The following GAB2 variants were observed in gnomAD, a reference collection of about 807,000 sequenced individuals.
The protein encoded by GAB2 is GRB2 associated binding protein 2.
A neutral mutation model predicts 65.5 loss-of-function variants in GAB2; 26 were observed. The ratio of observed to expected loss-of-function variants is 0.40; its 90% confidence interval spans 0.29 to 0.55. The LOEUF is 0.55. Ranked by LOEUF, GAB2 falls within the 20% of genes least tolerant of loss-of-function variation. The probability of loss-of-function intolerance (pLI) is 0.53; values close to 1 mark genes in which losing one functional copy is unlikely to be tolerated. For missense variants in GAB2, 884 were observed against 875.8 expected (o/e 1.01, Z -0.12); for synonymous variants, 321 against 329.6 (o/e 0.97, Z 0.28).
intron 1 of GAB2, among the ~76,000 whole-genome samples, chr11:78,299,462 A>G (rs192455706): frequency 7.9e-4 from 120 of 152,346 alleles, no homozygotes; most frequent in Non-Finnish European, 1.4e-3. Context: ...ACACATGAAC[A>G]TGCGCACAAA....
chr11:78,321,485 C>T (rs1323566615), intron 1 of GAB2, among the ~76,000 whole-genome samples: 1 of 152,142 alleles, frequency 6.6e-6, no homozygotes, highest in African/African-American at 2.4e-5. Context: ...TACTCCTAGC[C>T]CACAGCAGCG....
At chr11:78,236,259 A>T (rs1369925925) in intron 3 of GAB2, among the ~76,000 whole-genome samples, 5 of 152,228 alleles carry the variant, frequency 3.3e-5, no homozygotes, top group African/African-American at 1.2e-4. Flanking sequence ...CATACTGTAA[A>T]ACTTATTTTT....
intron 1 of GAB2, among the ~76,000 whole-genome samples, chr11:78,294,590 T>A (rs1448557152): frequency 6.6e-6 from 1 of 152,276 alleles, no homozygotes; most frequent in East Asian, 1.9e-4. Context: ...GTTTCCTGAT[T>A]TTTTAATGAT....
intron 3 of GAB2, among the ~76,000 whole-genome samples, chr11:78,236,581 G>A (rs1864987629): frequency 6.6e-6 from 1 of 152,122 alleles, no homozygotes; most frequent in Non-Finnish European, 1.5e-5. Context: ...TCTCCATTAG[G>A]TATGATCTTA....
At chr11:78,251,897 T>G (rs1207343122) in intron 2 of GAB2, among the ~76,000 whole-genome samples, 4 of 152,238 alleles carry the variant, frequency 2.6e-5, no homozygotes, top group African/African-American at 9.6e-5. Context: ...GCAAGGTACA[T>G]AGCAGATTCT....
chr11:78,353,307 G>C (rs1856308965), intron 1 of GAB2, among the ~76,000 whole-genome samples: 1 of 152,158 alleles, frequency 6.6e-6, no homozygotes, highest in African/African-American at 2.4e-5. Flanking sequence ...TGGGCATGGT[G>C]GTGTGTACCT....
intron 1 of GAB2, among the ~76,000 whole-genome samples, chr11:78,367,821 C>CTTTTTTTTT (rs569887849): frequency 7.8e-5 from 9 of 116,120 alleles, no homozygotes; most frequent in African/African-American, 2.3e-4. Context: ...TTTTCTTTTT[C>CTTTTTTTTT]TTTTTTTTTT....
intron 1 of GAB2, among the ~76,000 whole-genome samples, chr11:78,407,793 AAAG>A (rs1412576281): frequency 1.3e-5 from 2 of 151,918 alleles, no homozygotes; most frequent in Non-Finnish European, 2.9e-5. Flanking sequence ...AAAGAAAAGA[AAAG>A]AAAGAAAAAG....
intron 9 of GAB2, among the ~76,000 whole-genome samples, chr11:78,220,063 G>A (rs530096999): frequency 5.9e-5 from 9 of 152,262 alleles, no homozygotes; most frequent in African/African-American, 1.9e-4. Context: ...GCACTCATTT[G>A]CCCATCTCTA....
chr11:78,374,729 GCA>G (rs542838785), intron 1 of GAB2, among the ~76,000 whole-genome samples: 175 of 152,176 alleles, frequency 1.1e-3, no homozygotes, highest in African/African-American at 4.0e-3. Flanking sequence ...TAATATAATG[GCA>G]CACAGTTTTA....
chr11:78,401,505 C>CCTGTGTGTGTGTGT lies in GAB2; in HGVS notation c.75+16140_75+16141insACACACACACACAG, dbSNP rs1555000328. On this transcript the variant is annotated intron_variant, in intron 1 of 9. Coordinates refer to ENST00000361507, the MANE Select transcript of GAB2 (RefSeq NM_080491.3). ...TTCCCTTTTAAGGCTGAACAGTATT[C>CCTGTGTGTGTGTGT]GTGTGTGTGTGTGTGTGTGTGTGTG... is the stretch of plus-strand genomic sequence containing the variant. Among the ~76,000 whole-genome samples, 266 of 125,004 alleles carry CCTGTGTGTGTGTGT rather than the reference C, an allele frequency of 2.1e-3. 12 individuals carry two copies. Among genetic ancestry groups the CCTGTGTGTGTGTGT allele is most frequent in the African/African-American group, 7.4e-3 (252 of 33,840 alleles). 82.0% of individuals were successfully genotyped at this position (125,004 alleles called of 152,430 possible).
chr11:78,275,531 A>C (rs928152380), intron 2 of GAB2, among the ~76,000 whole-genome samples: 6 of 152,212 alleles, frequency 3.9e-5, no homozygotes, highest in Non-Finnish European at 8.8e-5. Context: ...AAATTAAAAC[A>C]TAACCCATCA....
intron 1 of GAB2, among the ~76,000 whole-genome samples, chr11:78,292,705 G>A (rs1352548297): frequency 6.6e-6 from 1 of 152,200 alleles, no homozygotes; most frequent in Non-Finnish European, 1.5e-5. Context: ...CACACTTCCT[G>A]AGCGAGGAAA....
intron 1 of GAB2, among the ~76,000 whole-genome samples, chr11:78,390,086 A>G (rs1041443402): frequency 6.6e-6 from 1 of 152,240 alleles, no homozygotes; most frequent in Non-Finnish European, 1.5e-5. Context: ...AACAAAAGAA[A>G]ATAGTACTCA....
intron 1 of GAB2, among the ~76,000 whole-genome samples, chr11:78,281,963 C>A (rs1375565897): frequency 6.6e-6 from 1 of 152,214 alleles, no homozygotes; most frequent in Non-Finnish European, 1.5e-5. Flanking sequence ...TTTAGTACAA[C>A]CTGCTTTTAA....
chr11:78,361,049 T>C (rs564093337), intron 1 of GAB2, among the ~76,000 whole-genome samples: 3 of 152,350 alleles, frequency 2.0e-5, no homozygotes, highest in Non-Finnish European at 4.4e-5. Flanking sequence ...TACAGACTAA[T>C]GGAATTTAAT....
intron 1 of GAB2, among the ~76,000 whole-genome samples, chr11:78,328,707 G>C (rs1855865969): frequency 7.8e-6 from 1 of 127,760 alleles, no homozygotes; most frequent in Non-Finnish European, 1.6e-5. Flanking sequence ...GTTTCTATGA[G>C]ATTCTAAAAC....
chr11:78,260,254 T>C (rs1865693475), intron 2 of GAB2, among the ~76,000 whole-genome samples: 1 of 152,140 alleles, frequency 6.6e-6, no homozygotes, highest in Non-Finnish European at 1.5e-5. Flanking sequence ...GAGAGCCAAG[T>C]CAGAACATCC....
At chr11:78,297,445 T>C (rs548256719) in intron 1 of GAB2, among the ~76,000 whole-genome samples, 35 of 152,110 alleles carry the variant, frequency 2.3e-4, no homozygotes, top group Admixed American at 4.6e-4. Flanking sequence ...GGAAAACACT[T>C]ATTCAGTTCA....
Sources: gnomAD v4.1 joint callset for allele counts (sites outside exome capture counted in the v4.1 genomes callset) on GRCh38, gnomAD v4.1.1 for gene constraint, MANE v1.5 for transcripts, NCBI Gene and HGNC (gene_info 2026-07-23, HGNC 2026-07-21) for gene names.